SPACDR: variants seen among roughly 807,000 people sequenced by gnomAD.
SPACDR encodes uncharacterized protein C7orf61.
At chr7:100,457,801 A>ATGTGTGTGTGTGTGTGTGTGTGTGTG in the SPACDR span, among the ~76,000 whole-genome samples, 11 of 74,372 alleles carry the variant, frequency 1.5e-4, no homozygotes, top group East Asian at 5.5e-4. Flanking sequence ...TTATATATAT[A>ATGTGTGTGTGTGTGTGTGTGTGTGTG]TATGTGTGTG....
At chr7:100,456,792 G>C in the SPACDR span, 2 of 1,612,946 alleles carry the variant, frequency 1.2e-6, no homozygotes, top group Non-Finnish European at 8.5e-7. Flanking sequence ...GGACTGAGCC[G>C]GGTTGGGTCG....
the SPACDR span, chr7:100,463,806 C>T: frequency 8.1e-7 from 1 of 1,235,224 alleles, no homozygotes; most frequent in South Asian, 1.2e-5. Flanking sequence ...TCTCTTCCTT[C>T]TCCTCCAGCC....
the SPACDR span, among the ~76,000 whole-genome samples, chr7:100,461,362 C>G: frequency 6.6e-6 from 1 of 151,988 alleles, no homozygotes; most frequent in African/African-American, 2.4e-5. Context: ...CTGCAGCCTC[C>G]GCTTCCCAGA....
chr7:100,459,509 C>T, the SPACDR span, among the ~76,000 whole-genome samples: 1 of 151,824 alleles, frequency 6.6e-6, no homozygotes, highest in Non-Finnish European at 1.5e-5. Flanking sequence ...GGGCTGGTCT[C>T]GAACTCCTGA....
At chr7:100,463,908 G>T in the SPACDR span, 1 of 1,561,814 alleles carries the variant, frequency 6.4e-7, no homozygotes, top group South Asian at 1.2e-5. Flanking sequence ...GGGCTGCTGC[G>T]ACCCATGCCC....
chr7:100,460,743 C>T, the SPACDR span, among the ~76,000 whole-genome samples: 1 of 151,856 alleles, frequency 6.6e-6, no homozygotes, highest in South Asian at 2.1e-4. Context: ...CTTGACCTCC[C>T]AGTGGTCCTC....
chr7:100,462,492 C>T, the SPACDR span, among the ~76,000 whole-genome samples: 51 of 150,850 alleles, frequency 3.4e-4, no homozygotes, highest in African/African-American at 6.3e-4. Context: ...GGATTACAGG[C>T]GTAAGCCACC....
At chr7:100,458,943 A>G in the SPACDR span, among the ~76,000 whole-genome samples, 2 of 151,148 alleles carry the variant, frequency 1.3e-5, no homozygotes, top group African/African-American at 4.9e-5. Flanking sequence ...AAAACAAAAA[A>G]TTTCCCTCAA....
At chr7:100,463,667 T>G in the SPACDR span, 2 of 1,613,390 alleles carry the variant, frequency 1.2e-6, no homozygotes, top group Non-Finnish European at 1.7e-6. Context: ...TGGTTTAATT[T>G]TTTGCCTCCA....
At chr7:100,459,405 C>T in the SPACDR span, among the ~76,000 whole-genome samples, 2 of 151,874 alleles carry the variant, frequency 1.3e-5, no homozygotes, top group East Asian at 1.9e-4. Flanking sequence ...CAGGTTCAAG[C>T]GATTCTCCTG....
the SPACDR span, among the ~76,000 whole-genome samples, chr7:100,463,118 AAAAG>A: frequency 6.6e-6 from 1 of 151,112 alleles, no homozygotes; most frequent in African/African-American, 2.4e-5. Context: ...AGAAAAAAAA[AAAAG>A]AAAGGAAGAA....
At chr7:100,459,829 C>T in the SPACDR span, among the ~76,000 whole-genome samples, 1 of 152,040 alleles carries the variant, frequency 6.6e-6, no homozygotes, top group Admixed American at 6.6e-5. Context: ...ACCATTCACC[C>T]ACTGAAGGAC....
chr7:100,464,210 A>G, the SPACDR span: 1 of 1,461,222 alleles, frequency 6.8e-7, no homozygotes, highest in South Asian at 1.4e-5. Context: ...CTGGCAATGA[A>G]TCCCAGACCT....
the SPACDR span, among the ~76,000 whole-genome samples, chr7:100,457,803 A>ATG: frequency 5.6e-4 from 41 of 72,586 alleles, no homozygotes; most frequent in South Asian, 1.2e-3. Flanking sequence ...ATATATATAT[A>ATG]TGTGTGTGTG....
At chr7:100,459,299 C>T in the SPACDR span, among the ~76,000 whole-genome samples, 20 of 150,880 alleles carry the variant, frequency 1.3e-4, no homozygotes, top group Admixed American at 1.2e-3. Flanking sequence ...TGTGAGCCAC[C>T]GTGCCCGGCC....
the SPACDR span, chr7:100,464,038 G>A: frequency 1.5e-6 from 2 of 1,294,718 alleles, no homozygotes; most frequent in South Asian, 1.2e-5. Context: ...CTCTTGATGG[G>A]AAAAACACAG....
At chr7:100,457,214 G>C in the SPACDR span, among the ~76,000 whole-genome samples, 2 of 151,396 alleles carry the variant, frequency 1.3e-5, no homozygotes, top group Non-Finnish European at 2.9e-5. Context: ...TGTTGCCCAG[G>C]CTGGTCTCGA....
At chr7:100,462,940 C>T in the SPACDR span, among the ~76,000 whole-genome samples, 1 of 150,012 alleles carries the variant, frequency 6.7e-6, no homozygotes, top group African/African-American at 2.4e-5. Context: ...GAAACCCTGT[C>T]TCTACTAAAA....
At chr7:100,457,781 C>T in the SPACDR span, among the ~76,000 whole-genome samples, 139 of 116,798 alleles carry the variant, frequency 1.2e-3, 1 homozygote, top group Non-Finnish European at 2.2e-3. Context: ...CCACCATGCC[C>T]GGCTAACTTT....
Sources: gnomAD v4.1 joint callset for allele counts (sites outside exome capture counted in the v4.1 genomes callset) on GRCh38, gnomAD v4.1.1 for gene constraint, MANE v1.5 for transcripts, NCBI Gene and HGNC (gene_info 2026-07-23, HGNC 2026-07-21) for gene names.